The following PDE10A variants were observed in gnomAD, a reference collection of about 807,000 sequenced individuals.
PDE10A encodes the protein phosphodiesterase 10A, also known as cAMP and cAMP-inhibited cGMP 3',5'-cyclic phosphodiesterase 10A.
PDE10A carries 39 observed loss-of-function variants against 97.7 expected under a neutral mutation model. The ratio of observed to expected loss-of-function variants is 0.40; its 90% CI spans 0.31 to 0.52. The LOEUF (loss-of-function observed/expected upper bound fraction) is 0.52, where lower values mean the gene tolerates loss of function less well. Among genes scored for constraint, PDE10A ranks in the 20% least tolerant of loss-of-function variants. The pLI, the probability that PDE10A is intolerant of heterozygous loss-of-function variation, is 0.56. For missense variants in PDE10A, 731 were observed against 1,047.8 expected, an observed-to-expected ratio of 0.70 and a Z score of 4.17; for synonymous variants, 371 against 376.8, an observed-to-expected ratio of 0.98 and a Z score of 0.18.
intron 1 of PDE10A, among the ~76,000 whole-genome samples, chr6:165,960,867 G>A (rs1784337350): frequency 6.6e-6 from 1 of 152,186 alleles, no homozygotes; most frequent in Non-Finnish European, 1.5e-5. Context: ...AGATGGGCAG[G>A]GAGTGAGGGA....
At chr6:165,598,308 T>C (rs992128336) in intron 1 of PDE10A, among the ~76,000 whole-genome samples, 2 of 152,162 alleles carry the variant, frequency 1.3e-5, no homozygotes, top group African/African-American at 2.4e-5. Flanking sequence ...GCACCAACAA[T>C]ATCAAAGAGA....
chr6:165,907,805 G>T (rs149575202), intron 1 of PDE10A, among the ~76,000 whole-genome samples: 1 of 148,778 alleles, frequency 6.7e-6, no homozygotes, highest in African/African-American at 2.6e-5. Flanking sequence ...AGCAGCATGG[G>T]TGAGGGCTGA....
chr6:165,903,465 G>A (rs1782169800), intron 1 of PDE10A, among the ~76,000 whole-genome samples: 1 of 152,172 alleles, frequency 6.6e-6, no homozygotes, highest in Admixed American at 6.6e-5. Flanking sequence ...TCAATAATGA[G>A]AGAGTTTTGG....
chr6:165,677,835 C>T lies in PDE10A; in HGVS notation c.-614-134267G>A, dbSNP rs558547266. Among the ~76,000 whole-genome samples the T allele has an allele frequency of 1.3e-4, 19 of 151,308 alleles. No homozygotes were observed. The South Asian group carries it at 1.5e-3, about 12-fold the overall frequency. ...TGTTTGTATATATGTGTGATGTGTG[C>T]GCGTTTGTGTATGTGTGTGTTTGTA... On this transcript the variant is annotated intron_variant, in intron 1 of 19. Transcript: ENST00000366882.
At chr6:165,847,124 A>G (rs1267162762) in intron 1 of PDE10A, among the ~76,000 whole-genome samples, 1 of 152,192 alleles carries the variant, frequency 6.6e-6, no homozygotes, top group African/African-American at 2.4e-5. Flanking sequence ...CTCTTCTACC[A>G]TACACACCTA....
intron 1 of PDE10A, among the ~76,000 whole-genome samples, chr6:165,793,652 C>T (rs1320923326): frequency 6.6e-6 from 1 of 152,196 alleles, no homozygotes; most frequent in Non-Finnish European, 1.5e-5. Flanking sequence ...CGCTGGGGGT[C>T]TCCCCACAAA....
rs149894981 is a variant in PDE10A, at chr6:165,682,812, A to G, written c.-614-139244T>C. Among the ~76,000 whole-genome samples, 386 of 152,346 alleles carry G rather than the reference A, an allele frequency of 2.5e-3. 1 individual carries two copies. Among genetic ancestry groups the G allele is most frequent in the Non-Finnish European group, 4.6e-3 (311 of 68,030 alleles). ...ACCATCAACAGGGAACGTGAAGATC[A>G]TCACTGACAAAGATCTAGAATCTGC... On this transcript the variant is annotated intron_variant, in intron 1 of 19. Transcript: ENST00000366882.
rs1480738993 is a variant in PDE10A at position 165,691,200 on chromosome 6, TCC to T, written c.-614-147634_-614-147633del. Among the ~76,000 whole-genome samples, 115 of 26,122 alleles carry T rather than the reference TCC, an allele frequency of 4.4e-3. 4 individuals are homozygous for T. Among genetic ancestry groups the T allele is most frequent in the East Asian group, 4.6e-3 (7 of 1,514 alleles). 17.1% of individuals were successfully genotyped at this position (26,122 alleles called of 152,430 possible). Reference sequence around the variant, plus strand: ...CTCTCTCTCTCTCCCTCTCTCTCTCTCCCCACACACACACACACACACACACA... The same window carrying T: ...CTCTCTCTCTCTCCCTCTCTCTCTCTCCACACACACACACACACACACACA... On this transcript the variant is annotated intron_variant, in intron 1 of 19. Coordinates refer to the PDE10A transcript ENST00000366882.
chr6:165,620,795 G>A (rs1158104424), intron 1 of PDE10A, among the ~76,000 whole-genome samples: 1 of 142,790 alleles, frequency 7.0e-6, no homozygotes, highest in Non-Finnish European at 1.5e-5. Context: ...GGTCGAGGCG[G>A]GTGGATCATG....
At chr6:165,955,306 A>G (rs1218708368) in intron 1 of PDE10A, among the ~76,000 whole-genome samples, 1 of 152,124 alleles carries the variant, frequency 6.6e-6, no homozygotes, top group Non-Finnish European at 1.5e-5. Flanking sequence ...CTTTACTTTA[A>G]TCATTATCTC....
At chr6:165,722,607 A>C (rs1322471092) in intron 1 of PDE10A, among the ~76,000 whole-genome samples, 4 of 152,212 alleles carry the variant, frequency 2.6e-5, no homozygotes, top group African/African-American at 4.8e-5. Context: ...CGTGCTCTCT[A>C]TCTCTCTCAA....
At chr6:165,843,789 A>T (rs994968664) in intron 1 of PDE10A, among the ~76,000 whole-genome samples, 5 of 152,248 alleles carry the variant, frequency 3.3e-5, no homozygotes, top group African/African-American at 1.2e-4. Context: ...TAGAGAGGGA[A>T]GCCTGAGCCT....
chr6:165,892,715 C>T (rs1781838905), intron 1 of PDE10A, among the ~76,000 whole-genome samples: 1 of 152,192 alleles, frequency 6.6e-6, no homozygotes. Flanking sequence ...CAGCCCACTT[C>T]GAAGCATTTC....
intron 3 of PDE10A, among the ~76,000 whole-genome samples, chr6:165,462,977 G>T (rs777370135): frequency 2.6e-5 from 4 of 152,290 alleles, no homozygotes; most frequent in South Asian, 4.1e-4. Flanking sequence ...TTGTAAACAG[G>T]ATTGGACCCA....
chr6:165,855,227 A>C (rs553283996), intron 1 of PDE10A, among the ~76,000 whole-genome samples: 1 of 149,892 alleles, frequency 6.7e-6, no homozygotes, highest in Non-Finnish European at 1.5e-5. Flanking sequence ...AGAAGGAATG[A>C]ACAGAGGCGG....
chr6:165,927,085 G>A (rs1464792012), intron 1 of PDE10A, among the ~76,000 whole-genome samples: 1 of 151,758 alleles, frequency 6.6e-6, no homozygotes, highest in Non-Finnish European at 1.5e-5. Flanking sequence ...TGGGGGGTGG[G>A]GGGCTAGGGG....
intron 1 of PDE10A, among the ~76,000 whole-genome samples, chr6:165,802,370 G>A (rs1371540613): frequency 1.3e-5 from 2 of 152,168 alleles, no homozygotes; most frequent in African/African-American, 4.8e-5. Flanking sequence ...CACTTCCCAA[G>A]TTTGTCACAC....
At chr6:165,920,551 C>A (rs1344476487) in intron 1 of PDE10A, among the ~76,000 whole-genome samples, 1 of 149,692 alleles carries the variant, frequency 6.7e-6, no homozygotes, top group Non-Finnish European at 1.5e-5. Flanking sequence ...CTTACACACA[C>A]ACACACACAC....
At chr6:165,742,969 C>T (rs1278585698) in intron 1 of PDE10A, among the ~76,000 whole-genome samples, 1 of 152,190 alleles carries the variant, frequency 6.6e-6, no homozygotes, top group Non-Finnish European at 1.5e-5. Flanking sequence ...CTGGTCTTTT[C>T]ATAGGAAAAA....
Sources: allele counts gnomAD v4.1 joint callset (sites outside exome capture counted in the v4.1 genomes callset), GRCh38; gene constraint gnomAD v4.1.1; transcripts MANE v1.5; gene names NCBI Gene and HGNC (gene_info 2026-07-23, HGNC 2026-07-21).